Variants in NECTIN4 observed in about 807,000 individuals in gnomAD.
The protein encoded by NECTIN4 is nectin-4.
In NECTIN4, 19 loss-of-function variants were observed where a neutral mutation model predicts 51.7. That is an observed-to-expected ratio of 0.37 (90% CI 0.26 to 0.54). NECTIN4 has a LOEUF of 0.54. Among genes scored for constraint, NECTIN4 ranks in the 20% least tolerant of loss-of-function variants. NECTIN4 has a pLI of 0.86. For missense variants in NECTIN4, 619 were observed against 662.4 expected (o/e 0.93, Z 0.72); for synonymous variants, 283 against 286.9 (o/e 0.99, Z 0.14).
At chr1:161,078,290 GTATTTATTTATT>G (rs61608821) in intron 2 of NECTIN4, among the ~76,000 whole-genome samples, 1 of 150,132 alleles carries the variant, frequency 6.7e-6, no homozygotes, top group African/African-American at 2.5e-5. Flanking sequence ...TTTATTTTAT[GTATTTATTTATT>G]TATTTATTTA....
chr1:161,073,600 C>G, intron 7 of NECTIN4, 120 bp downstream of exon 7: 3 of 966,154 alleles, frequency 3.1e-6, no homozygotes, highest in South Asian at 2.6e-5. Flanking sequence ...CCAACCCCAG[C>G]TGTGAGTCAG....
At chr1:161,083,863 T>C (rs933747499) in intron 1 of NECTIN4, among the ~76,000 whole-genome samples, 1 of 152,168 alleles carries the variant, frequency 6.6e-6, no homozygotes, top group Non-Finnish European at 1.5e-5. Context: ...CCCCACCCTA[T>C]GCCTGGGTCT....
In NECTIN4 at chr1:161,071,925, C is replaced by T. The variant is rs993190722; in HGVS notation, c.*736G>A. On this transcript the variant is annotated 3_prime_UTR_variant, in exon 9 of 9. Transcript: ENST00000368012. ...AAAAAGAAAAAAATTAAAAGTGATT[C>T]GGAGCAGTATTCCTGCAAGAAGCTC... 2.0e-5 allele frequency: 3 copies of T among 152,044 alleles called. No homozygotes were observed. The highest frequency in any genetic ancestry group is 7.2e-5 in the African/African-American group (3 of 41,400). 9.4% of individuals were successfully genotyped at this position (152,044 alleles called of 1,614,324 possible). A position where few individuals can be genotyped will look rare whatever the true frequency, so the allele number is the denominator to read the frequency against.
chr1:161,089,407 C>T lies in NECTIN4; in HGVS notation c.-111G>A. 9.6e-7 allele frequency: 1 copy of T among 1,043,014 alleles called. No individual in the cohort carries two copies. Among genetic ancestry groups the T allele is most frequent in the Admixed American group, 1.9e-5 (1 of 52,220 alleles). The allele number at this position is 1,043,014 out of a possible 1,614,324, so 64.6% of individuals were successfully genotyped here. ...CCAGAAGGCAGGAAGCTGCAGAGTT[C>T]TTGCCTCTCGCACTTGGGTCTCCAC... On this transcript the variant is annotated 5_prime_UTR_variant, in exon 1 of 9. Coordinates refer to ENST00000368012, the MANE Select transcript of NECTIN4 (RefSeq NM_030916.3). The surrounding 1 kb of genome is among the most constrained non-coding windows in gnomAD (Gnocchi z 4.1).
In NECTIN4 at chr1:161,079,837, T is replaced by C; in HGVS notation, c.192A>G (p.Gln64=). 6.2e-7 allele frequency: 1 copy of C among 1,613,866 alleles called. No individual in the cohort carries two copies. The highest frequency in any genetic ancestry group is 8.5e-7 in the Non-Finnish European group (1 of 1,180,004). ...YRGDSGEQVG[Q]VAWARVDAGE... Reference sequence around the variant, plus strand: ...CCGCGTCCACCCGAGCCCATGCCACTTGCCCCACTTGCTCGCCGGAGTCCC... The same window carrying C: ...CCGCGTCCACCCGAGCCCATGCCACCTGCCCCACTTGCTCGCCGGAGTCCC... The change falls in exon 2 of 9, where the codon CAA becomes CAG. Residue 64 remains glutamine, a synonymous_variant. Coordinates refer to ENST00000368012, the MANE Select transcript of NECTIN4 (RefSeq NM_030916.3).
chr1:161,073,900 C>A, intron 6 of NECTIN4, 105 bp from the exon 7 acceptor site: 1 of 1,020,396 alleles, frequency 9.8e-7, no homozygotes, highest in South Asian at 1.3e-5. Flanking sequence ...GTGTGGGTGC[C>A]GTGCTGGCCC....
At chr1:161,087,982 A>T (rs372702039) in intron 1 of NECTIN4, among the ~76,000 whole-genome samples, 15 of 152,222 alleles carry the variant, frequency 9.9e-5, no homozygotes, top group Middle Eastern at 6.8e-3. Flanking sequence ...ACTAGGCTCC[A>T]CCTTTTTGGC....
At chr1:161,077,856 T>C in intron 2 of NECTIN4, 113 bp from the exon 3 acceptor site, 1 of 967,668 alleles carries the variant, frequency 1.0e-6, no homozygotes, top group Non-Finnish European at 1.5e-6. Flanking sequence ...CCTTTCCTTC[T>C]CTTATTTCAT....
At chr1:161,085,763 A>G (rs998238838) in intron 1 of NECTIN4, among the ~76,000 whole-genome samples, 15 of 147,646 alleles carry the variant, frequency 1.0e-4, no homozygotes, top group African/African-American at 3.5e-4. Context: ...TAGTGGCGCG[A>G]TCATGGCTCA....
intron 3 of NECTIN4, 148 bp from the exon 4 acceptor site, chr1:161,076,623 G>T: frequency 9.6e-7 from 1 of 1,045,206 alleles, no homozygotes; most frequent in Non-Finnish European, 1.5e-6. Context: ...ACCTAGCTCA[G>T]CCCCACCCTG....
At chr1:161,082,742 C>T (rs745424882) in intron 1 of NECTIN4, among the ~76,000 whole-genome samples, 5 of 152,106 alleles carry the variant, frequency 3.3e-5, no homozygotes, top group Non-Finnish European at 7.4e-5. Context: ...CCGCACCCCT[C>T]CCAGGCTTTT....
Position 161,077,598 on chromosome 1 carries a change from G to C in NECTIN4, c.585C>G (p.Ser195=). ...TEVKGTTSSR[S]FKHSRSAAVT... ...CGGCAGCAGAGCGGGAGTGCTTGAA[G>C]GAACGGCTGGACGTTGTGCCTTTGA... is the stretch of plus-strand genomic sequence containing the variant. The change falls in exon 3 of 9, where the codon TCC becomes TCG. Residue 195 remains serine (S), a synonymous_variant. Coordinates refer to ENST00000368012, the MANE Select transcript of NECTIN4 (RefSeq NM_030916.3). 6.2e-7 allele frequency: 1 copy of C among 1,613,894 alleles called. No homozygotes were observed. The highest frequency in any genetic ancestry group is 1.1e-5 in the South Asian group (1 of 91,086).
chr1:161,080,600 G>C (rs971541173), intron 1 of NECTIN4, among the ~76,000 whole-genome samples: 10 of 152,076 alleles, frequency 6.6e-5, no homozygotes, highest in Admixed American at 2.0e-4. Context: ...ATGAACCAAG[G>C]CTCAGAGGCA....
intron 1 of NECTIN4, among the ~76,000 whole-genome samples, chr1:161,080,682 C>G (rs994278934): frequency 3.3e-5 from 5 of 152,120 alleles, no homozygotes; most frequent in Non-Finnish European, 5.9e-5. Flanking sequence ...AGGGCAGACA[C>G]ACAACAACCG....
rs932855062 is a variant in NECTIN4 at position 161,072,620 on chromosome 1, A to G, written c.*41T>C. The G allele has an allele frequency of 2.6e-6, 4 of 1,557,214 alleles. No individual in the cohort carries two copies. The African/African-American group carries it at 4.1e-5, about 16-fold the overall frequency. ...AAGATGAGCTAAAATCTCCCATGTCAACAGAAGGAGCCAGGCCTAGGGAAG... is the reference window on the plus strand; with the variant it reads ...AAGATGAGCTAAAATCTCCCATGTCGACAGAAGGAGCCAGGCCTAGGGAAG... On this transcript the variant is annotated 3_prime_UTR_variant, in exon 9 of 9. Transcript: ENST00000368012.
chr1:161,075,070 G>A (rs1206805348), intron 4 of NECTIN4, among the ~76,000 whole-genome samples: 1 of 152,184 alleles, frequency 6.6e-6, no homozygotes, highest in African/African-American at 2.4e-5. Context: ...CCACACAACA[G>A]GACACTCCAC....
chr1:161,073,584 C>T (rs1488758629), intron 7 of NECTIN4, 136 bp downstream of exon 7: 1 of 884,538 alleles, frequency 1.1e-6, no homozygotes, highest in Non-Finnish European at 1.9e-6. Flanking sequence ...CTCAACTCTA[C>T]CCCGGCCAAC....
In NECTIN4 at chr1:161,079,627, G is replaced by A. The variant is rs779223999; in HGVS notation, c.402C>T (p.Ala134=). The A allele has an allele frequency of 5.0e-6, 8 of 1,604,926 alleles. No homozygotes were observed. The highest frequency in any genetic ancestry group is 5.9e-6 in the Non-Finnish European group (7 of 1,179,638). ...GCCGCAGCCGCGCCTGGAAGCTGCC[G>A]GCGGGGAAGGTGCTGACCCGGCACT... ...EYECRVSTFP[A]GSFQARLRLR... is the part of the protein sequence containing the mutation. Residue 134 remains alanine, a synonymous_variant, in exon 2 of 9, where the codon GCC becomes GCT. Transcript: ENST00000368012.
intron 2 of NECTIN4, 146 bp downstream of exon 2, chr1:161,079,444 A>C: frequency 3.8e-6 from 4 of 1,062,184 alleles, no homozygotes; most frequent in Non-Finnish European, 5.4e-6. Context: ...GTGCGAGGAT[A>C]GCTAGCTGGA....
Sources: allele counts gnomAD v4.1 joint callset (sites outside exome capture counted in the v4.1 genomes callset), GRCh38; gene constraint gnomAD v4.1.1; non-coding constraint Gnocchi (gnomAD v3.1); transcripts MANE v1.5; gene names NCBI Gene and HGNC (gene_info 2026-07-23, HGNC 2026-07-21).